ROBO1: variants seen among roughly 807,000 people sequenced by gnomAD.
The protein encoded by ROBO1 is roundabout guidance receptor 1.
Under a neutral mutation model 195.9 loss-of-function variants are expected in ROBO1, and 149 were observed. The ratio of observed to expected loss-of-function variants is 0.76; its 90% confidence interval spans 0.67 to 0.87. The LOEUF (loss-of-function observed/expected upper bound fraction) is 0.87. Ranked by LOEUF, ROBO1 falls within the 40% of genes least tolerant of loss-of-function variation. The probability of loss-of-function intolerance (pLI) is 0.00; values close to 1 mark genes in which losing one functional copy is unlikely to be tolerated. For missense variants in ROBO1, 1,933 were observed against 2,068.3 expected, an observed-to-expected ratio of 0.93 and a Z score of 1.27; for synonymous variants, 816 against 733.2, an observed-to-expected ratio of 1.11 and a Z score of -1.82.
intron 8 of ROBO1, among the ~76,000 whole-genome samples, chr3:78,706,131 G>T (rs2107978080): frequency 6.6e-6 from 1 of 152,056 alleles, no homozygotes; most frequent in Admixed American, 6.6e-5. Flanking sequence ...TAGGTGAATG[G>T]GAAATACCTA....
At chr3:79,549,435 G>A (rs975995428) in intron 2 of ROBO1, among the ~76,000 whole-genome samples, 3 of 151,936 alleles carry the variant, frequency 2.0e-5, no homozygotes, top group Non-Finnish European at 2.9e-5. Flanking sequence ...TAATACAGTC[G>A]GCCCTCCGTA....
chr3:79,750,929 G>T (rs544767045), intron 1 of ROBO1, among the ~76,000 whole-genome samples: 2 of 152,228 alleles, frequency 1.3e-5, no homozygotes, highest in East Asian at 3.9e-4. Context: ...GAAAAATGTG[G>T]CTAAAATAAA....
At chr3:79,686,782 G>A (rs189787263) in intron 1 of ROBO1, among the ~76,000 whole-genome samples, 14 of 152,248 alleles carry the variant, frequency 9.2e-5, no homozygotes, top group African/African-American at 3.4e-4. Context: ...CATGAAAATA[G>A]CCATACTGCC....
chr3:79,498,352 C>T (rs6784049), intron 2 of ROBO1, among the ~76,000 whole-genome samples: 111,723 of 152,050 alleles, frequency 0.73, 41,831 homozygotes, highest in African/African-American at 0.89. Context: ...ATTCTATTTA[C>T]GGTAGGCACT....
At chr3:79,592,937 G>A (rs916298924) in intron 1 of ROBO1, among the ~76,000 whole-genome samples, 1 of 151,892 alleles carries the variant, frequency 6.6e-6, no homozygotes, top group Admixed American at 6.6e-5. Flanking sequence ...TGATCTGTTT[G>A]TTATCTCCAT....
intron 1 of ROBO1, among the ~76,000 whole-genome samples, chr3:79,703,497 A>G (rs891408409): frequency 6.6e-6 from 1 of 151,966 alleles, no homozygotes; most frequent in East Asian, 1.9e-4. Context: ...GTGTTCCTGG[A>G]AAAAATATGA....
At chr3:78,857,475 C>T (rs1260830579) in intron 4 of ROBO1, among the ~76,000 whole-genome samples, 1 of 152,036 alleles carries the variant, frequency 6.6e-6, no homozygotes, top group African/African-American at 2.4e-5. Context: ...CTCAATAGCC[C>T]CAAAGATGTC....
At chr3:79,014,273 C>T (rs2077864682) in intron 3 of ROBO1, among the ~76,000 whole-genome samples, 1 of 152,022 alleles carries the variant, frequency 6.6e-6, no homozygotes, top group South Asian at 2.1e-4. Flanking sequence ...AGTTTGAGAC[C>T]AGCCTGGCCA....
intron 2 of ROBO1, among the ~76,000 whole-genome samples, chr3:79,509,939 A>G (rs909316110): frequency 2.0e-5 from 3 of 152,112 alleles, no homozygotes; most frequent in Admixed American, 1.3e-4. Context: ...TTTACCATAT[A>G]TCAGGCATGG....
chr3:79,606,035 CATAT>C (rs111238153), intron 1 of ROBO1, among the ~76,000 whole-genome samples: 1 of 146,764 alleles, frequency 6.8e-6, no homozygotes. Context: ...CATGTACCCA[CATAT>C]ATATATATAT....
At chr3:78,941,604 G>A (rs1161630327) in intron 3 of ROBO1, among the ~76,000 whole-genome samples, 1 of 152,190 alleles carries the variant, frequency 6.6e-6, no homozygotes, top group Non-Finnish European at 1.5e-5. Context: ...GCCTGAGCAA[G>A]TCAGAGAAGA....
intron 2 of ROBO1, among the ~76,000 whole-genome samples, chr3:79,372,759 AT>A (rs780950479): frequency 4.3e-4 from 65 of 150,956 alleles, no homozygotes; most frequent in Middle Eastern, 3.4e-3. Flanking sequence ...GAGAAAATAC[AT>A]TTTTTTTTCA....
chr3:79,185,589 C>G (rs2081422450), intron 2 of ROBO1, among the ~76,000 whole-genome samples: 1 of 152,068 alleles, frequency 6.6e-6, no homozygotes, highest in South Asian at 2.1e-4. Context: ...GAAATAGTCA[C>G]ATTTCTAATC....
At chr3:78,709,093 A>G (rs2081620187) in intron 8 of ROBO1, among the ~76,000 whole-genome samples, 1 of 152,202 alleles carries the variant, frequency 6.6e-6, no homozygotes. Flanking sequence ...AAATGTAACA[A>G]CACTGATGGT....
At chr3:79,755,086 G>A (rs1488642289) in intron 1 of ROBO1, among the ~76,000 whole-genome samples, 1 of 151,966 alleles carries the variant, frequency 6.6e-6, no homozygotes, top group Non-Finnish European at 1.5e-5. Flanking sequence ...CACCATGTTG[G>A]TCAGGCTATT....
At chr3:79,166,474 A>G (rs1450588241) in intron 2 of ROBO1, among the ~76,000 whole-genome samples, 2 of 152,090 alleles carry the variant, frequency 1.3e-5, no homozygotes, top group Admixed American at 1.3e-4. Context: ...TACATTATAT[A>G]TATTTCAATT....
Position 79,584,259 on chromosome 3 carries a change from T to TATATATATATATATATATATTACTAC in ROBO1, c.88+5539_88+5564dup, listed in dbSNP as rs1943748765. ...ATGTTACATAGGTACATGTAATATATATATATATATATATATATATTACTA... is the reference window on the plus strand; with the variant it reads ...ATGTTACATAGGTACATGTAATATATATATATATATATATATATATTACTACATATATATATATATATATATTACTA... On this transcript the variant is annotated intron_variant, in intron 2 of 30. Coordinates refer to ENST00000464233, the MANE Select transcript of ROBO1 (RefSeq NM_002941.4). 1.3e-3 allele frequency among the ~76,000 whole-genome samples: 35 copies of TATATATATATATATATATATTACTAC among 27,268 alleles called. No individual in the cohort carries two copies. The South Asian group carries it at 0.024, about 18-fold the overall frequency. 17.9% of individuals were successfully genotyped at this position (27,268 alleles called of 152,430 possible). A position where few individuals can be genotyped will look rare whatever the true frequency, so the allele number is the denominator to read the frequency against.
intron 1 of ROBO1, among the ~76,000 whole-genome samples, chr3:79,640,036 T>G (rs1217873796): frequency 6.6e-6 from 1 of 152,086 alleles, no homozygotes; most frequent in Admixed American, 6.6e-5. Flanking sequence ...AAGTAAGAAG[T>G]GTAAAGAAAT....
chr3:78,960,560 C>T (rs2041281071), intron 3 of ROBO1, among the ~76,000 whole-genome samples: 1 of 151,912 alleles, frequency 6.6e-6, no homozygotes, highest in African/African-American at 2.4e-5. Flanking sequence ...GCAGGTGAAT[C>T]ACGAGGTCAA....
Sources: gnomAD v4.1 joint callset for allele counts (sites outside exome capture counted in the v4.1 genomes callset) on GRCh38, gnomAD v4.1.1 for gene constraint, MANE v1.5 for transcripts, NCBI Gene and HGNC (gene_info 2026-07-23, HGNC 2026-07-21) for gene names.